CD79A: variants seen among roughly 807,000 people sequenced by gnomAD.
CD79A encodes B-cell antigen receptor complex-associated protein alpha chain.
A neutral mutation model predicts 27.4 loss-of-function variants in CD79A; 16 were observed. That is an observed-to-expected ratio of 0.58 (90% CI 0.40 to 0.89). The LOEUF is 0.89. CD79A is among the 40% of genes least tolerant of loss of function. The pLI is 0.00. For synonymous variants in CD79A, 110 were observed against 132.7 expected (o/e 0.83, Z 1.18); for missense variants, 237 against 299.7 (o/e 0.79, Z 1.55).
At chr19:41,880,645 G>GCCGCC in intron 3 of CD79A, 25 bp from the exon 4 acceptor site, 1 of 1,134,298 alleles carries the variant, frequency 8.8e-7, no homozygotes, top group Non-Finnish European at 1.3e-6. Context: ...GCTCACTGAG[G>GCCGCC]CACCCACCCC....
Position 41,878,962 on chromosome 19 carries a change from C to CG in CD79A, c.80-28_80-27insG. 1 of 1,316,168 alleles carries CG rather than the reference C, an allele frequency of 7.6e-7. No homozygotes were observed. The highest frequency in any genetic ancestry group is 1.4e-5 in the African/African-American group (1 of 69,016). 81.5% of individuals were successfully genotyped at this position (1,316,168 alleles called of 1,614,324 possible). A position where few individuals can be genotyped will look rare whatever the true frequency, so the allele number is the denominator to read the frequency against. Reference sequence around the variant, plus strand: ...GGAAATGTGTCACCATCCCCAGTCCCTGACCCACCCACCCTGTCTCTCCAC... The same window carrying CG: ...GGAAATGTGTCACCATCCCCAGTCCCGTGACCCACCCACCCTGTCTCTCCAC... On this transcript the variant is annotated intron_variant, in intron 1 of 4. Transcript: ENST00000221972. This position sits in a 1 kb window ranked among gnomAD's most constrained non-coding sequence, Gnocchi z 4.3.
At position 41,879,496 on chromosome 19, in the gene CD79A, A is replaced by G; in HGVS notation, c.380-39A>G. On this transcript the variant is annotated intron_variant, in intron 2 of 4. Transcript: ENST00000221972. The surrounding 1 kb of genome is among the most constrained non-coding windows in gnomAD (Gnocchi z 5.1). ...CGGGGCCAGGAGGCTAGGGAGGGCA[A>G]GAGGGGCCAGGGCTCTGAGCCATAC... 1.4e-6 allele frequency: 2 copies of G among 1,473,728 alleles called. No individual in the cohort carries two copies. The highest frequency in any genetic ancestry group is 1.9e-6 in the Non-Finnish European group (2 of 1,066,426). The allele number at this position is 1,473,728 out of a possible 1,614,324, so 91.3% of individuals were successfully genotyped here. A position where few individuals can be genotyped will look rare whatever the true frequency, so the allele number is the denominator to read the frequency against.
chr19:41,880,795 C>T (rs2074219706), intron 4 of CD79A, 57 bp downstream of exon 4: 2 of 1,498,298 alleles, frequency 1.3e-6, no homozygotes, highest in Admixed American at 2.0e-5. Flanking sequence ...GGGGTGTTCC[C>T]TCTGGGGGTG....
rs2074199113 is a variant in CD79A, at chr19:41,877,994, T to G, written c.79+611T>G. Among the ~76,000 whole-genome samples, 2 of 152,114 alleles carry G rather than the reference T, an allele frequency of 1.3e-5. No homozygotes were observed. Among genetic ancestry groups the G allele is most frequent in the Admixed American group, 1.3e-4 (2 of 15,276 alleles). ...TGACGATGAGGGTGCTCGGCCCCTC[T>G]CCCCATCTCTTCCTCCTTCTCTCTT... is the stretch of plus-strand genomic sequence containing the variant. On this transcript the variant is annotated intron_variant, in intron 1 of 4. Transcript: ENST00000221972. The surrounding 1 kb of genome is among the most constrained non-coding windows in gnomAD (Gnocchi z 4.1).
In CD79A at chr19:41,880,751, T is replaced by TG; in HGVS notation, c.567+17dup. 1 of 1,083,220 alleles carries TG rather than the reference T, an allele frequency of 9.2e-7. No individual in the cohort carries two copies. Among genetic ancestry groups the TG allele is most frequent in the Non-Finnish European group, 1.2e-6 (1 of 804,484 alleles). 67.1% of individuals were successfully genotyped at this position (1,083,220 alleles called of 1,614,324 possible). A position where few individuals can be genotyped will look rare whatever the true frequency, so the allele number is the denominator to read the frequency against. On this transcript the variant is annotated intron_variant, in intron 4 of 4. Transcript: ENST00000221972. ...AAACCTTTATGAAGTGAGTGAAGGGTGGGGATGGGGTAGGGGCAGTTGTGT... is the reference window on the plus strand; with the variant it reads ...AAACCTTTATGAAGTGAGTGAAGGGTGGGGGATGGGGTAGGGGCAGTTGTGT...
intron 3 of CD79A, 145 bp from the exon 4 acceptor site, chr19:41,880,525 C>G: frequency 1.4e-6 from 1 of 702,064 alleles, no homozygotes; most frequent in African/African-American, 1.8e-5. Context: ...GTTGTAGACT[C>G]AGAGAGAACT....
rs556809468 is a variant in CD79A, at chr19:41,877,774, C to A, written c.79+391C>A. Among the ~76,000 whole-genome samples, 49 of 152,290 alleles carry A rather than the reference C, an allele frequency of 3.2e-4. No homozygotes were observed. Among genetic ancestry groups the A allele is most frequent in the African/African-American group, 1.2e-3 (48 of 41,552 alleles). ...AGAAAAAGCTTTCTCTGCCTTAAAC[C>A]TCAGGTGCCTCTCTCTGTTGGGAGT... On this transcript the variant is annotated intron_variant, in intron 1 of 4. Coordinates refer to ENST00000221972, the MANE Select transcript of CD79A (RefSeq NM_001783.4). This position sits in a 1 kb window ranked among gnomAD's most constrained non-coding sequence, Gnocchi z 4.1.
At position 41,879,034 on chromosome 19, in the gene CD79A, T is replaced by C. The variant is rs782194733; in HGVS notation, c.124T>C (p.Leu42=). The C allele has an allele frequency of 2.2e-6, 3 of 1,376,116 alleles. No individual in the cohort carries two copies. The highest frequency in any genetic ancestry group is 1.1e-5 in the South Asian group (1 of 88,240). The allele number at this position is 1,376,116 out of a possible 1,614,324, so 85.2% of individuals were successfully genotyped here. A position where few individuals can be genotyped will look rare whatever the true frequency, so the allele number is the denominator to read the frequency against. The change falls in exon 2 of 5, where the codon TTG becomes CTG. Residue 42 remains leucine (L), a synonymous_variant. Transcript: ENST00000221972. This position sits in a 1 kb window ranked among gnomAD's most constrained non-coding sequence, Gnocchi z 5.1. ...GTGGATGCACAAGGTCCCAGCATCA[T>C]TGATGGTGAGCCTGGGGGAAGACGC... ...ALWMHKVPAS[L]MVSLGEDAHF... is the part of the protein sequence containing the mutation.
In CD79A at chr19:41,879,596, C is replaced by T. The variant is rs1555843740; in HGVS notation, c.441C>T (p.Ala147=). 6 of 1,612,368 alleles carry T rather than the reference C, an allele frequency of 3.7e-6. No individual in the cohort carries two copies. The highest frequency in any genetic ancestry group is 2.2e-5 in the East Asian group (1 of 44,834). Residue 147 remains alanine, a synonymous_variant, in exon 3 of 5, where the codon GCC becomes GCT. Coordinates refer to ENST00000221972, the MANE Select transcript of CD79A (RefSeq NM_001783.4). This position sits in a 1 kb window ranked among gnomAD's most constrained non-coding sequence, Gnocchi z 5.1. ...GEGTKNRIIT[A]EGIILLFCAV... Reference sequence around the variant, plus strand: ...GCACCAAGAACCGAATCATCACAGCCGAGGGGATCATCCTCCTGTTCTGCG... The same window carrying T: ...GCACCAAGAACCGAATCATCACAGCTGAGGGGATCATCCTCCTGTTCTGCG...
Position 41,877,419 on chromosome 19 carries a change from G to A in CD79A, c.79+36G>A. ...AAAGGGCAGGAACTGGCGGGAGGTG[G>A]GGGAAGCTGTGGAGGCTGCAGAGAG... On this transcript the variant is annotated intron_variant, in intron 1 of 4. Coordinates refer to ENST00000221972, the MANE Select transcript of CD79A (RefSeq NM_001783.4). This position sits in a 1 kb window ranked among gnomAD's most constrained non-coding sequence, Gnocchi z 4.1. 6 of 1,573,846 alleles carry A rather than the reference G, an allele frequency of 3.8e-6. No individual in the cohort carries two copies. Among genetic ancestry groups the A allele is most frequent in the Middle Eastern group, 1.7e-4 (1 of 5,984 alleles).
rs373322784 is a variant in CD79A, at chr19:41,877,416, G to A, written c.79+33G>A. 1.0e-5 allele frequency: 16 copies of A among 1,580,754 alleles called. No individual in the cohort carries two copies. Among genetic ancestry groups the A allele is most frequent in the African/African-American group, 5.4e-5 (4 of 74,232 alleles). ...GCCAAAGGGCAGGAACTGGCGGGAG[G>A]TGGGGGAAGCTGTGGAGGCTGCAGA... On this transcript the variant is annotated intron_variant, in intron 1 of 4. Coordinates refer to ENST00000221972, the MANE Select transcript of CD79A (RefSeq NM_001783.4). The surrounding 1 kb of genome is among the most constrained non-coding windows in gnomAD (Gnocchi z 4.1).
rs1033078343 is a variant in CD79A at position 41,878,136 on chromosome 19, G to T, written c.79+753G>T. Among the ~76,000 whole-genome samples, 3 of 152,010 alleles carry T rather than the reference G, an allele frequency of 2.0e-5. No individual in the cohort carries two copies. The highest frequency in any genetic ancestry group is 6.5e-5 in the Admixed American group (1 of 15,268). ...TTGGACACTGCAGCCAGCCTGAGCCGCCTCGTCTCACTCAGAGACACCCCC... is the reference window on the plus strand; with the variant it reads ...TTGGACACTGCAGCCAGCCTGAGCCTCCTCGTCTCACTCAGAGACACCCCC... On this transcript the variant is annotated intron_variant, in intron 1 of 4. Transcript: ENST00000221972. This position sits in a 1 kb window ranked among gnomAD's most constrained non-coding sequence, Gnocchi z 4.3.
At chr19:41,880,451 G>GGGAAGGGAAGGAAGGAAGGAAGGAA (rs1183622232) in intron 3 of CD79A, among the ~76,000 whole-genome samples, 1 of 102,516 alleles carries the variant, frequency 9.8e-6, no homozygotes, top group African/African-American at 3.7e-5. Flanking sequence ...AGGAAGGGAA[G>GGGAAGGGAAGGAAGGAAGGAAGGAA]GGAAGGAAGG....
In CD79A at chr19:41,879,362, TAG is replaced by T; in HGVS notation, c.379+76_379+77del. 1 of 1,439,804 alleles carries T rather than the reference TAG, an allele frequency of 6.9e-7. No homozygotes were observed. The highest frequency in any genetic ancestry group is 1.4e-5 in the African/African-American group (1 of 71,516). 89.2% of individuals were successfully genotyped at this position (1,439,804 alleles called of 1,614,324 possible). On this transcript the variant is annotated intron_variant, in intron 2 of 4. Coordinates refer to ENST00000221972, the MANE Select transcript of CD79A (RefSeq NM_001783.4). This position sits in a 1 kb window ranked among gnomAD's most constrained non-coding sequence, Gnocchi z 5.1. The stretch of plus-strand genomic sequence containing the variant: ...ACTCGGTTTATCTTTGAAGTGGGGA[TAG>T]AGCCAGTACCTTCAATGTGGGTTTC...
In CD79A at chr19:41,877,701, G is replaced by A. The variant is rs1427626124; in HGVS notation, c.79+318G>A. 6.6e-6 allele frequency among the ~76,000 whole-genome samples: 1 copy of A among 152,126 alleles called. No individual in the cohort carries two copies. The highest frequency in any genetic ancestry group is 2.4e-5 in the African/African-American group (1 of 41,412). On this transcript the variant is annotated intron_variant, in intron 1 of 4. Coordinates refer to ENST00000221972, the MANE Select transcript of CD79A (RefSeq NM_001783.4). This position sits in a 1 kb window ranked among gnomAD's most constrained non-coding sequence, Gnocchi z 4.1. The stretch of plus-strand genomic sequence containing the variant: ...CTCTTGACTGAGCACCAGGGCTGGG[G>A]GCAGGAAGGGGACTTAGGGGTAGCA...
rs1455676356 is a variant in CD79A at position 41,877,529 on chromosome 19, G to C, written c.79+146G>C. 7.1e-6 allele frequency: 5 copies of C among 708,818 alleles called. No homozygotes were observed. Among genetic ancestry groups the C allele is most frequent in the African/African-American group, 7.0e-5 (4 of 57,260 alleles). The allele number at this position is 708,818 out of a possible 1,614,324, so 43.9% of individuals were successfully genotyped here. A position where few individuals can be genotyped will look rare whatever the true frequency, so the allele number is the denominator to read the frequency against. Reference sequence around the variant, plus strand: ...CCCAGGGAAGATGCCTATAGAAATCGTATCTGTGCCAAGATGGGCCAAGGT... The same window carrying C: ...CCCAGGGAAGATGCCTATAGAAATCCTATCTGTGCCAAGATGGGCCAAGGT... On this transcript the variant is annotated intron_variant, in intron 1 of 4. Transcript: ENST00000221972. The surrounding 1 kb of genome is among the most constrained non-coding windows in gnomAD (Gnocchi z 4.1).
chr19:41,881,222 G>T lies in CD79A; in HGVS notation c.*242G>T. 2 of 581,832 alleles carry T rather than the reference G, an allele frequency of 3.4e-6. No individual in the cohort carries two copies. Among genetic ancestry groups the T allele is most frequent in the Non-Finnish European group, 6.2e-6 (2 of 323,280 alleles). 36.0% of individuals were successfully genotyped at this position (581,832 alleles called of 1,614,324 possible). A position where few individuals can be genotyped will look rare whatever the true frequency, so the allele number is the denominator to read the frequency against. The stretch of plus-strand genomic sequence containing the variant: ...CCTCCTAACCTAATCCCCCCGCCCC[G>T]CTGCCTTTCCCAGGCTCCCCTCACC... On this transcript the variant is annotated 3_prime_UTR_variant, in exon 5 of 5. Transcript: ENST00000221972.
chr19:41,880,644 G>GGCGGGGGGC, intron 3 of CD79A, 26 bp from the exon 4 acceptor site: 1 of 1,148,272 alleles, frequency 8.7e-7, no homozygotes, highest in Non-Finnish European at 1.3e-6. Context: ...TGCTCACTGA[G>GGCGGGGGGC]GCACCCACCC....
At position 41,878,489 on chromosome 19, in the gene CD79A, C is replaced by T. The variant is rs2074201542; in HGVS notation, c.80-501C>T. Among the ~76,000 whole-genome samples the T allele has an allele frequency of 2.0e-5, 3 of 151,738 alleles. No homozygotes were observed. Among genetic ancestry groups the T allele is most frequent in the East Asian group, 3.9e-4 (2 of 5,090 alleles). On this transcript the variant is annotated intron_variant, in intron 1 of 4. Transcript: ENST00000221972. The surrounding 1 kb of genome is among the most constrained non-coding windows in gnomAD (Gnocchi z 4.3). ...CTGTGAATGATTACACAAGAAAAAG[C>T]GCCAGGTGCTGGGCCTGGCTGAGGC... is the stretch of plus-strand genomic sequence containing the variant.
Sources: gnomAD v4.1 joint callset for allele counts (sites outside exome capture counted in the v4.1 genomes callset) on GRCh38, gnomAD v4.1.1 for gene constraint, Gnocchi (gnomAD v3.1) non-coding constraint, MANE v1.5 for transcripts, NCBI Gene and HGNC (gene_info 2026-07-23, HGNC 2026-07-21) for gene names.